Variants in USP34 observed in about 807,000 individuals in gnomAD.
USP34 encodes the protein ubiquitin carboxyl-terminal hydrolase 34.
Under a neutral mutation model 460.3 loss-of-function variants are expected in USP34, and 70 were observed. The ratio of observed to expected loss-of-function variants is 0.15; its 90% confidence interval spans 0.13 to 0.19. USP34 has a LOEUF of 0.19. Among genes scored for constraint, USP34 ranks in the 10% least tolerant of loss-of-function variants. The pLI is 1.00. For synonymous variants in USP34, 1,647 were observed against 1,405.3 expected, an observed-to-expected ratio of 1.17 and a Z score of -3.85; for missense variants, 3,985 against 4,236.2, an observed-to-expected ratio of 0.94 and a Z score of 1.65.
In USP34 at chr2:61,206,825, A is replaced by G; in HGVS notation, c.8981T>C (p.Leu2994Ser). The change falls in exon 71 of 80, where the codon TTA (leucine) becomes TCA (serine). Residue 2994 changes from leucine (L) to serine (S), a missense_variant. By Grantham distance (145) the Leu-to-Ser change is moderately radical. This residue lies in a region of USP34 where 275 missense variants were observed against 292.7 expected (regional missense o/e 0.94). Transcript: ENST00000398571. ...AAGAAATATTGACAGAAGTTCTACTAAATCTCCAGTCACATGGCAAGCTGT... is the reference window on the plus strand; with the variant it reads ...AAGAAATATTGACAGAAGTTCTACTGAATCTCCAGTCACATGGCAAGCTGT... ...EATACHVTGDLVELLSIFLSV... is the reference protein window; with the variant it reads ...EATACHVTGDSVELLSIFLSV... The G allele has an allele frequency of 1.2e-6, 2 of 1,613,824 alleles. No homozygotes were observed. Among genetic ancestry groups the G allele is most frequent in the Non-Finnish European group, 1.7e-6 (2 of 1,179,798 alleles).
chr2:61,415,917 G>A (rs1176326546), intron 2 of USP34, among the ~76,000 whole-genome samples: 2 of 152,178 alleles, frequency 1.3e-5, no homozygotes, highest in African/African-American at 4.8e-5. Flanking sequence ...TATAAAGTAT[G>A]TAGCTTTAAT....
chr2:61,269,184 GACGATCTC>G (rs1689140782), intron 41 of USP34, among the ~76,000 whole-genome samples: 1 of 152,082 alleles, frequency 6.6e-6, no homozygotes, highest in South Asian at 2.1e-4. Context: ...AGAGTTTGGA[GACGATCTC>G]ACTCTATCAC....
At chr2:61,240,719 G>T (rs1172158859) in intron 53 of USP34, among the ~76,000 whole-genome samples, 1 of 151,724 alleles carries the variant, frequency 6.6e-6, no homozygotes, top group Non-Finnish European at 1.5e-5. Context: ...GATTACAGGT[G>T]CCCACCAATA....
chr2:61,278,784 A>T (rs536577657), intron 39 of USP34, among the ~76,000 whole-genome samples: 2 of 65,264 alleles, frequency 3.1e-5, no homozygotes, highest in South Asian at 5.4e-4. Flanking sequence ...AAAGTATAAT[A>T]AAAAAAAAAG....
intron 27 of USP34, among the ~76,000 whole-genome samples, chr2:61,309,020 G>C (rs771035773): frequency 6.6e-6 from 1 of 151,930 alleles, no homozygotes; most frequent in Non-Finnish European, 1.5e-5. Context: ...GGGTGACAGA[G>C]GGAGACTATC....
At chr2:61,432,677 C>A (rs1455651806) in intron 1 of USP34, among the ~76,000 whole-genome samples, 2 of 151,838 alleles carry the variant, frequency 1.3e-5, no homozygotes, top group African/African-American at 4.8e-5. Flanking sequence ...ATATATAACA[C>A]CTGGATTTAC....
chr2:61,235,988 CAT>C (rs972589382), intron 56 of USP34, 36 bp downstream of exon 56: 6 of 1,598,374 alleles, frequency 3.8e-6, no homozygotes, highest in African/African-American at 1.4e-5. Flanking sequence ...CTGATAAAAA[CAT>C]AAATGACAAA....
chr2:61,199,149 A>G (rs780873158), intron 75 of USP34, among the ~76,000 whole-genome samples: 1 of 151,698 alleles, frequency 6.6e-6, no homozygotes, highest in South Asian at 2.1e-4. Context: ...TCAACTTCTT[A>G]TTGTTTCTGG....
At chr2:61,199,496 TC>T (rs1686906126) in intron 75 of USP34, among the ~76,000 whole-genome samples, 1 of 152,218 alleles carries the variant, frequency 6.6e-6, no homozygotes, top group African/African-American at 2.4e-5. Flanking sequence ...CCTCAGGTGA[TC>T]CACCCACCTC....
rs761270088 is a variant in USP34 at position 61,295,329 on chromosome 2, CAG to C, written c.4255-41_4255-40del. ...AACATGTTTCTCAAGCCAACTTACT[CAG>C]GGAACACAAAAAAGAAAAACTTTAA... On this transcript the variant is annotated intron_variant, in intron 30 of 79. Coordinates refer to ENST00000398571, the MANE Select transcript of USP34 (RefSeq NM_014709.4). 19 of 1,546,564 alleles carry C rather than the reference CAG, an allele frequency of 1.2e-5. No homozygotes were observed. In the African/African-American group the frequency reaches 2.1e-4, roughly 17 times the overall value.
chr2:61,275,802 C>T (rs1689356266), intron 41 of USP34, among the ~76,000 whole-genome samples: 1 of 152,144 alleles, frequency 6.6e-6, no homozygotes, highest in Non-Finnish European at 1.5e-5. Context: ...TTTAACCTGT[C>T]TATGCCTCAG....
intron 41 of USP34, among the ~76,000 whole-genome samples, chr2:61,267,262 G>C (rs1012111958): frequency 6.6e-6 from 1 of 152,052 alleles, no homozygotes; most frequent in Non-Finnish European, 1.5e-5. Flanking sequence ...GTGAGTTAGT[G>C]AATCAACAAA....
Position 61,301,173 on chromosome 2 carries a change from G to T in USP34, c.3919-13C>A. 6.4e-7 allele frequency: 1 copy of T among 1,563,570 alleles called. No homozygotes were observed. ...ATACAAATACCATCTATAAAAAACA[G>T]GAAAAAAAATTTATGCATATCAAGC... On this transcript the variant is annotated splice_polypyrimidine_tract_variant and intron_variant, in intron 28 of 79. Transcript: ENST00000398571.
intron 69 of USP34, among the ~76,000 whole-genome samples, chr2:61,210,114 A>C (rs1313159300): frequency 6.6e-6 from 1 of 152,198 alleles, no homozygotes; most frequent in African/African-American, 2.4e-5. Flanking sequence ...ATAATGAAGA[A>C]AAAGTATTTT....
intron 23 of USP34, among the ~76,000 whole-genome samples, chr2:61,316,227 A>G (rs1282895920): frequency 1.3e-5 from 2 of 151,814 alleles, no homozygotes; most frequent in African/African-American, 2.4e-5. Flanking sequence ...AAAAACTGAA[A>G]AAACCTATTC....
intron 3 of USP34, among the ~76,000 whole-genome samples, chr2:61,400,512 T>C (rs753570616): frequency 2.6e-5 from 4 of 152,138 alleles, no homozygotes; most frequent in Non-Finnish European, 5.9e-5. Context: ...CTCAGTGATG[T>C]TGGAATTAGT....
At chr2:61,275,804 AT>A (rs1689356367) in intron 41 of USP34, among the ~76,000 whole-genome samples, 1 of 152,206 alleles carries the variant, frequency 6.6e-6, no homozygotes, top group Non-Finnish European at 1.5e-5. Context: ...TAACCTGTCT[AT>A]GCCTCAGTTT....
chr2:61,452,954 T>G (rs773096063), intron 1 of USP34, among the ~76,000 whole-genome samples: 8 of 143,150 alleles, frequency 5.6e-5, no homozygotes, highest in Admixed American at 3.5e-4. Context: ...GGAACAAATA[T>G]AGTAGTTTAA....
intron 34 of USP34, among the ~76,000 whole-genome samples, chr2:61,286,119 G>A (rs1306580439): frequency 1.3e-5 from 2 of 152,122 alleles, no homozygotes. Context: ...GCTAAATTTT[G>A]CAAGTAACTT....
Sources: gnomAD v4.1 joint callset for allele counts (sites outside exome capture counted in the v4.1 genomes callset) on GRCh38, gnomAD v4.1.1 for gene constraint, gnomAD v4.1.1 regional missense constraint, MANE v1.5 for transcripts, NCBI Gene and HGNC (gene_info 2026-07-23, HGNC 2026-07-21) for gene names.